PSG7: variants seen among roughly 807,000 people sequenced by gnomAD.
PSG7 encodes pregnancy-specific beta-1-glycoprotein 7.
PSG7 carries 57 observed loss-of-function variants against 45.6 expected under a neutral mutation model. That is an observed-to-expected ratio of 1.25 (90% confidence interval 1.01 to 1.56). The LOEUF is 1.56. PSG7 is among the 40% of genes most tolerant of loss of function. The pLI is 0.00. For missense variants in PSG7, 796 were observed against 508.4 expected (o/e 1.57, Z -5.44); for synonymous variants, 298 against 194.4 (o/e 1.53, Z -4.43).
intron 1 of PSG7, 75 bp downstream of exon 1, chr19:42,936,938 C>G: frequency 6.3e-7 from 1 of 1,584,502 alleles, no homozygotes; most frequent in Admixed American, 1.7e-5. Context: ...TTTTAGAACC[C>G]CATCCTCTCT....
At position 42,936,545 on chromosome 19, in the gene PSG7, C is replaced by G. The variant is rs149533241; in HGVS notation, c.64+468G>C. The G allele has an allele frequency of 2.7e-3, 441 of 166,158 alleles. 9 individuals carry two copies. The highest frequency in any genetic ancestry group is 8.1e-3 in the African/African-American group (338 of 41,480). 10.3% of individuals were successfully genotyped at this position (166,158 alleles called of 1,614,324 possible). ...ACACTTAAGATTTTCCTACCTCTTA[C>G]CAATTCCGGTTCAATGTGACTTTCC... On this transcript the variant is annotated intron_variant, in intron 1 of 5. Coordinates refer to ENST00000406070, the MANE Select transcript of PSG7 (RefSeq NM_002783.3).
chr19:42,936,925 A>C, intron 1 of PSG7, 88 bp downstream of exon 1: 2 of 1,565,998 alleles, frequency 1.3e-6, no homozygotes, highest in Non-Finnish European at 1.7e-6. Context: ...GGCTTCTTTT[A>C]TTTTTTAGAA....
chr19:42,925,756 T>C lies in PSG7; in HGVS notation c.1243+17A>G, dbSNP rs1568454311. The C allele has an allele frequency of 9.3e-6, 15 of 1,611,880 alleles. No individual in the cohort carries two copies. Among genetic ancestry groups the C allele is most frequent in the Non-Finnish European group, 1.3e-5 (15 of 1,178,938 alleles). On this transcript the variant is annotated intron_variant, in intron 5 of 5. Coordinates refer to ENST00000406070, the MANE Select transcript of PSG7 (RefSeq NM_002783.3). ...GCACCTAAAACCCTATTGCCAAGGA[T>C]GCTGGGATCCACTTACCAGAGACTC... is the stretch of plus-strand genomic sequence containing the variant.
chr19:42,931,898 C>T (rs4621089), intron 2 of PSG7, among the ~76,000 whole-genome samples: 5,834 of 151,418 alleles, frequency 0.039, 461 homozygotes, highest in African/African-American at 0.13. Flanking sequence ...TTTTTTTCCC[C>T]CACTCTTTTT....
At chr19:42,933,307 A>ATATATATATATATATATTTTTTTT (rs56691588) in intron 2 of PSG7, among the ~76,000 whole-genome samples, 2 of 13,504 alleles carry the variant, frequency 1.5e-4, no homozygotes, top group African/African-American at 1.7e-4. Flanking sequence ...ATATATATAT[A>ATATATATATATATATATTTTTTTT]TTTTTTTTTT....
At chr19:42,936,981 T>A (rs747704688) in intron 1 of PSG7, 32 bp downstream of exon 1, 11 of 1,608,262 alleles carry the variant, frequency 6.8e-6, no homozygotes, top group South Asian at 5.5e-5. Context: ...TGCTTCCTTT[T>A]CCTGTCCTCT....
At chr19:42,931,311 A>T (rs1271756738) in intron 2 of PSG7, among the ~76,000 whole-genome samples, 1 of 151,212 alleles carries the variant, frequency 6.6e-6, no homozygotes, top group Non-Finnish European at 1.5e-5. Context: ...TTCCAGCAGG[A>T]TCACATTATG....
chr19:42,933,287 A>T (rs1568459458), intron 2 of PSG7, among the ~76,000 whole-genome samples: 15 of 9,578 alleles, frequency 1.6e-3, no homozygotes, highest in African/African-American at 3.8e-3. Context: ...ATATATATAT[A>T]TATATATATA....
At chr19:42,936,897 T>G in intron 1 of PSG7, 116 bp downstream of exon 1, 1 of 1,467,198 alleles carries the variant, frequency 6.8e-7, no homozygotes, top group Non-Finnish European at 9.4e-7. Flanking sequence ...TCCACCCACC[T>G]CAGCCTCCCA....
Position 42,935,590 on chromosome 19 carries a change from A to T in PSG7, c.244T>A (p.Tyr82Asn). Reference sequence around the variant, plus strand: ...TTAATTATTTGACCGTCTACTATATATGATGTAACATAATGGTAGAGGTCC... The same window carrying T: ...TTAATTATTTGACCGTCTACTATATTTGATGTAACATAATGGTAGAGGTCC... ...IRDLYHYVTS[Y>N]IVDGQIIKYG... is the part of the protein sequence containing the mutation. The change falls in exon 2 of 6, where the codon TAT (tyrosine) becomes AAT (asparagine). Residue 82 changes from tyrosine (Y) to asparagine (N), a missense_variant. Transcript: ENST00000406070. The T allele has an allele frequency of 1.2e-6, 2 of 1,612,080 alleles. No individual in the cohort carries two copies. The highest frequency in any genetic ancestry group is 2.7e-5 in the African/African-American group (2 of 74,638).
chr19:42,928,770 C>T (rs1407917451), intron 3 of PSG7, among the ~76,000 whole-genome samples: 1 of 151,426 alleles, frequency 6.6e-6, no homozygotes, highest in African/African-American at 2.4e-5. Context: ...ATTGCCAATG[C>T]TCCAGGGATC....
rs1413453693 is a variant in PSG7 at position 42,924,358 on chromosome 19, G to A, written c.*450C>T. The A allele has an allele frequency of 8.5e-5, 36 of 421,066 alleles. 1 individual carries two copies. The highest frequency in any genetic ancestry group is 6.3e-4 in the Admixed American group (16 of 25,536). 26.1% of individuals were successfully genotyped at this position (421,066 alleles called of 1,614,324 possible). On this transcript the variant is annotated 3_prime_UTR_variant, in exon 6 of 6. Transcript: ENST00000406070. ...GGGAGCCCTGTATGCAAGATGGAGA[G>A]AGCCACATTTCCTCCTGAGATGTTA...
At position 42,924,946 on chromosome 19, in the gene PSG7, T is replaced by C. The variant is rs1972493647; in HGVS notation, c.1244-122A>G. 7.1e-6 allele frequency: 5 copies of C among 707,260 alleles called. 1 individual carries two copies. The highest frequency in any genetic ancestry group is 6.2e-5 in the South Asian group (4 of 64,728). The allele number at this position is 707,260 out of a possible 1,614,324, so 43.8% of individuals were successfully genotyped here. On this transcript the variant is annotated intron_variant, in intron 5 of 5. Transcript: ENST00000406070. ...TGGGCATCTCTAGTTTTACCAATGA[T>C]AATTTCAGTAGAATAAGTTTGTTTG...
rs535385603 is a variant in PSG7, at chr19:42,929,612, C to G, written c.539G>C (p.Trp180Ser). The G allele has an allele frequency of 1.2e-6, 2 of 1,612,598 alleles. No individual in the cohort carries two copies. The highest frequency in any genetic ancestry group is 2.2e-5 in the South Asian group (2 of 90,836). Residue 180 changes from tryptophan to serine, a missense_variant, in exon 3 of 6, where the codon TGG becomes TCG. By Grantham distance (177) the Trp-to-Ser change is radical. Transcript: ENST00000406070. ...AGGGAGGCTCTGACCATTCATCCACCACAGGTAGCTTGCATCTGGAGTCTC... is the reference window on the plus strand; with the variant it reads ...AGGGAGGCTCTGACCATTCATCCACGACAGGTAGCTTGCATCTGGAGTCTC... Reference protein sequence around the residue: ...DPETPDASYLWWMNGQSLPMT... With the variant: ...DPETPDASYLSWMNGQSLPMT...
Position 42,935,504 on chromosome 19 carries a change from C to T in PSG7, c.330G>A (p.Gln110=). Residue 110 remains glutamine (Q), a synonymous_variant, in exon 2 of 6, where the codon CAG becomes CAA. Transcript: ENST00000406070. The part of the protein sequence containing the change: ...TVYSNASLLI[Q]NVTQEDTGSY... ...ATCCTGTGTCTTCCTGGGTGACATT[C>T]TGGATCAGCAGGGATGCATTGGAAT... 6.2e-7 allele frequency: 1 copy of T among 1,612,226 alleles called. No homozygotes were observed. The highest frequency in any genetic ancestry group is 8.5e-7 in the Non-Finnish European group (1 of 1,179,050).
intron 2 of PSG7, among the ~76,000 whole-genome samples, chr19:42,933,858 G>A (rs1331193341): frequency 2.0e-5 from 3 of 151,422 alleles, no homozygotes; most frequent in African/African-American, 2.4e-5. Context: ...GAGCTTCAGA[G>A]TTACATGAGG....
chr19:42,925,684 G>T, intron 5 of PSG7, 89 bp downstream of exon 5: 1 of 1,601,114 alleles, frequency 6.2e-7, no homozygotes, highest in Non-Finnish European at 8.5e-7. Context: ...GACACAGGCT[G>T]GGAATACAAA....
chr19:42,935,849 G>T, intron 1 of PSG7, 80 bp from the exon 2 acceptor site: 1 of 1,480,662 alleles, frequency 6.8e-7, no homozygotes, highest in Non-Finnish European at 9.0e-7. Context: ...TCCTGAGAAG[G>T]TCTCTTCAAT....
At chr19:42,936,683 T>C (rs554155031) in intron 1 of PSG7, among the ~76,000 whole-genome samples, 7 of 151,440 alleles carry the variant, frequency 4.6e-5, no homozygotes, top group East Asian at 1.9e-4. Flanking sequence ...AGTCTCATAC[T>C]GTCACCCAGG....
Sources: allele counts gnomAD v4.1 joint callset (sites outside exome capture counted in the v4.1 genomes callset), GRCh38; gene constraint gnomAD v4.1.1; transcripts MANE v1.5; gene names NCBI Gene and HGNC (gene_info 2026-07-23, HGNC 2026-07-21).